The following PKIB variants were observed in gnomAD, a reference collection of about 807,000 sequenced individuals.
PKIB encodes PKI-beta.
A neutral mutation model predicts 4.5 loss-of-function variants in PKIB; 2 were observed. The observed-to-expected ratio is 0.44, with a 90% CI of 0.18 to 1.39. The LOEUF is 1.39. Ranked by LOEUF, PKIB falls within the 40% of genes most tolerant of loss-of-function variation. The pLI, the probability that PKIB is intolerant of heterozygous loss-of-function variation, is 0.27. For synonymous variants in PKIB, 38 were observed against 36.0 expected, an observed-to-expected ratio of 1.06 and a Z score of -0.20; for missense variants, 94 against 92.6, an observed-to-expected ratio of 1.02 and a Z score of -0.06.
At chr6:122,596,771 A>C (rs1268100210) in intron 3 of PKIB, among the ~76,000 whole-genome samples, 1 of 152,136 alleles carries the variant, frequency 6.6e-6, no homozygotes, top group Non-Finnish European at 1.5e-5. Flanking sequence ...TGCCACTGAC[A>C]CCTCAAGCAC....
chr6:122,558,544 T>G (rs970462864), intron 2 of PKIB, among the ~76,000 whole-genome samples: 1 of 152,326 alleles, frequency 6.6e-6, no homozygotes, highest in East Asian at 1.9e-4. Flanking sequence ...TGTCAAGATG[T>G]TTGATAAGTA....
At position 122,709,609 on chromosome 6, in the gene PKIB, A is replaced by G. The variant is rs566037963; in HGVS notation, c.-8-8178A>G. ...ATGATGGAGTCACAAAAACAGTTTC[A>G]GAAGTGGAATAAATATGTGGCTACT... On this transcript the variant is annotated intron_variant, in intron 3 of 4. Coordinates refer to ENST00000368452, the MANE Select transcript of PKIB (RefSeq NM_181795.3). Among the ~76,000 whole-genome samples the G allele has an allele frequency of 8.5e-5, 13 of 152,268 alleles. No individual in the cohort carries two copies. In the South Asian group the frequency reaches 2.5e-3, roughly 29 times the overall value.
chr6:122,528,482 G>C (rs1229951572), intron 2 of PKIB, among the ~76,000 whole-genome samples: 3 of 152,164 alleles, frequency 2.0e-5, no homozygotes, highest in Admixed American at 6.5e-5. Flanking sequence ...CAAGGTCCCT[G>C]CATGGTTAGG....
In PKIB at chr6:122,625,017, T is replaced by G. The variant is rs968248907; in HGVS notation, c.-160-8266T>G. Among the ~76,000 whole-genome samples the G allele has an allele frequency of 2.6e-5, 4 of 152,176 alleles. No individual in the cohort carries two copies. In the East Asian group the frequency reaches 7.7e-4, roughly 29 times the overall value. ...TCACAGTGGAATTAATGGGTTAAAG[T>G]TTGTCAACATTTTTAAGACTTTGAG... On this transcript the variant is annotated intron_variant, in intron 1 of 4. Transcript: ENST00000368452.
At chr6:122,540,589 C>T (rs896336923) in intron 2 of PKIB, among the ~76,000 whole-genome samples, 2 of 150,852 alleles carry the variant, frequency 1.3e-5, no homozygotes, top group African/African-American at 4.9e-5. Context: ...CTGAGGAGTG[C>T]TTTACTTCCA....
At chr6:122,526,399 A>G (rs916517571) in intron 2 of PKIB, among the ~76,000 whole-genome samples, 1 of 152,122 alleles carries the variant, frequency 6.6e-6, no homozygotes, top group African/African-American at 2.4e-5. Flanking sequence ...TCTTTATGGC[A>G]GCTATAGCCT....
chr6:122,703,334 G>A (rs185319397), intron 3 of PKIB, among the ~76,000 whole-genome samples: 208 of 151,984 alleles, frequency 1.4e-3, no homozygotes, highest in African/African-American at 4.8e-3. Context: ...TGCTTATGTC[G>A]TATGTTAAGC....
chr6:122,668,658 G>C (rs1160271933), intron 2 of PKIB, among the ~76,000 whole-genome samples: 1 of 152,196 alleles, frequency 6.6e-6, no homozygotes, highest in Non-Finnish European at 1.5e-5. Flanking sequence ...AACCAAGCCA[G>C]GTGGGGAAGA....
intron 2 of PKIB, among the ~76,000 whole-genome samples, chr6:122,566,234 A>G (rs1340386727): frequency 6.6e-6 from 1 of 152,186 alleles, no homozygotes; most frequent in Non-Finnish European, 1.5e-5. Context: ...GTATTGAAGA[A>G]GCAAACACAA....
At chr6:122,712,041 G>T (rs1440516780) in intron 3 of PKIB, among the ~76,000 whole-genome samples, 2 of 152,068 alleles carry the variant, frequency 1.3e-5, no homozygotes, top group African/African-American at 2.4e-5. Flanking sequence ...TTTCTAAGTT[G>T]AAAAAAATTA....
chr6:122,671,916 AG>A, intron 2 of PKIB, among the ~76,000 whole-genome samples: 1 of 152,284 alleles, frequency 6.6e-6, no homozygotes, highest in South Asian at 2.1e-4. Flanking sequence ...AGAAAAAATA[AG>A]TATTTATTGT....
chr6:122,681,891 T>G (rs1245132336), intron 3 of PKIB, among the ~76,000 whole-genome samples: 3 of 152,202 alleles, frequency 2.0e-5, no homozygotes, highest in Non-Finnish European at 4.4e-5. Flanking sequence ...AAGCATGCGC[T>G]AATGTGTCAG....
chr6:122,573,335 C>T (rs1457154838), intron 2 of PKIB, among the ~76,000 whole-genome samples: 1 of 151,884 alleles, frequency 6.6e-6, no homozygotes, highest in African/African-American at 2.4e-5. Context: ...TAAAACCAGC[C>T]TGGACAACAT....
chr6:122,508,770 A>C (rs1260582485), intron 2 of PKIB, among the ~76,000 whole-genome samples: 1 of 151,724 alleles, frequency 6.6e-6, no homozygotes, highest in African/African-American at 2.4e-5. Flanking sequence ...TTTTTTTTAG[A>C]GACAGAGTCT....
At chr6:122,549,864 G>A (rs1487470785) in intron 2 of PKIB, among the ~76,000 whole-genome samples, 1 of 145,922 alleles carries the variant, frequency 6.9e-6, no homozygotes, top group Non-Finnish European at 1.5e-5. Context: ...ATATGTATAT[G>A]TATATAAAAA....
chr6:122,569,925 G>A (rs956356562), intron 2 of PKIB, among the ~76,000 whole-genome samples: 3 of 152,112 alleles, frequency 2.0e-5, no homozygotes, highest in Admixed American at 6.5e-5. Context: ...CAACAGGGAG[G>A]CAACCTCTCT....
chr6:122,534,686 C>G (rs1034672871), intron 2 of PKIB, among the ~76,000 whole-genome samples: 1 of 151,930 alleles, frequency 6.6e-6, no homozygotes, highest in Non-Finnish European at 1.5e-5. Context: ...AAAATTATCT[C>G]GCTATTTTGC....
chr6:122,601,701 T>C (rs1283890972), intron 3 of PKIB, among the ~76,000 whole-genome samples: 1 of 152,214 alleles, frequency 6.6e-6, no homozygotes, highest in Non-Finnish European at 1.5e-5. Flanking sequence ...ATATATATTG[T>C]CTCTTCCTTA....
chr6:122,677,898 T>C (rs956023183), intron 3 of PKIB, among the ~76,000 whole-genome samples: 7 of 139,784 alleles, frequency 5.0e-5, no homozygotes, highest in African/African-American at 1.1e-4. Context: ...TTCCTTTCTT[T>C]CTTTCTTTCC....
Sources: allele counts gnomAD v4.1 joint callset (sites outside exome capture counted in the v4.1 genomes callset), GRCh38; gene constraint gnomAD v4.1.1; transcripts MANE v1.5; gene names NCBI Gene and HGNC (gene_info 2026-07-23, HGNC 2026-07-21).